Variants in OGDH observed in about 807,000 individuals in gnomAD.
The protein encoded by OGDH is 2-oxoglutarate dehydrogenase complex component E1.
A neutral mutation model predicts 116.6 loss-of-function variants in OGDH; 38 were observed. The observed-to-expected ratio is 0.33, with a 90% confidence interval of 0.25 to 0.43. OGDH has a LOEUF of 0.43. OGDH is among the 20% of genes least tolerant of loss of function. The pLI is 1.00. For missense variants in OGDH, 825 were observed against 1,357.2 expected (o/e 0.61, Z 6.16); for synonymous variants, 488 against 533.3 (o/e 0.92, Z 1.17).
intron 2 of OGDH, among the ~76,000 whole-genome samples, chr7:44,644,819 G>A (rs771528691): frequency 2.6e-5 from 4 of 152,232 alleles, no homozygotes; most frequent in Non-Finnish European, 5.9e-5. Flanking sequence ...CACAGGTTGT[G>A]CTGAGCCCTT....
intron 18 of OGDH, 125 bp downstream of exon 18, chr7:44,698,388 G>A: frequency 1.0e-6 from 1 of 977,670 alleles, no homozygotes; most frequent in Admixed American, 2.1e-5. Context: ...CTCCATCCTG[G>A]GGAGCTCACG....
chr7:44,640,150 C>A lies in OGDH; in HGVS notation c.223-5177C>A, dbSNP rs376488278. On this transcript the variant is annotated intron_variant, in intron 2 of 22. Transcript: ENST00000222673. ...TCCCAGGCATCAGTGGCTGGAAATT[C>A]CTTTCATTTTATTGTTGAGCCCAGA... Among the ~76,000 whole-genome samples, 5 of 152,262 alleles carry A rather than the reference C, an allele frequency of 3.3e-5. No individual in the cohort carries two copies. The East Asian group carries it at 9.6e-4, about 29-fold the overall frequency.
At chr7:44,627,812 G>A (rs998251859) in intron 2 of OGDH, among the ~76,000 whole-genome samples, 1 of 152,084 alleles carries the variant, frequency 6.6e-6, no homozygotes. Context: ...GAGTAGCCAG[G>A]ATTACAGATA....
intron 1 of OGDH, among the ~76,000 whole-genome samples, chr7:44,614,007 T>C (rs1055285256): frequency 2.6e-5 from 4 of 151,816 alleles, no homozygotes; most frequent in East Asian, 1.9e-4. Context: ...GGTTTCTCCA[T>C]GTTGGTCAGG....
At chr7:44,686,521 G>A (rs2116277924) in intron 10 of OGDH, among the ~76,000 whole-genome samples, 1 of 152,040 alleles carries the variant, frequency 6.6e-6, no homozygotes, top group South Asian at 2.1e-4. Context: ...TTGCTATCAG[G>A]GTAATGCTGG....
rs2116385205 is a variant in OGDH, at chr7:44,700,014, A to C, written c.2431-127A>C. 7 of 1,023,422 alleles carry C rather than the reference A, an allele frequency of 6.8e-6. No homozygotes were observed. In the South Asian group the frequency reaches 9.3e-5, roughly 14 times the overall value. The allele number at this position is 1,023,422 out of a possible 1,614,324, so 63.4% of individuals were successfully genotyped here. A position where few individuals can be genotyped will look rare whatever the true frequency, so the allele number is the denominator to read the frequency against. ...ACCAGGCCCCACCTCCAGCAGTGGG[A>C]GATTACAATTCAACATGAGATTTGG... On this transcript the variant is annotated intron_variant, in intron 18 of 22. Coordinates refer to ENST00000222673, the MANE Select transcript of OGDH (RefSeq NM_002541.4).
intron 10 of OGDH, among the ~76,000 whole-genome samples, chr7:44,691,286 G>A (rs1788352678): frequency 6.6e-6 from 1 of 152,146 alleles, no homozygotes; most frequent in Non-Finnish European, 1.5e-5. Context: ...TACTTTGGGA[G>A]GCCAAGGCAA....
Position 44,624,297 on chromosome 7 carries a change from T to TG in OGDH, c.-27-20_-27-19insG. On this transcript the variant is annotated intron_variant, in intron 1 of 22. Transcript: ENST00000222673. ...TTTAAAACCTTTCTTTCTTGTTTTT[T>TG]TTTTTTTTTTTTTGTACAGGCAGTT... The TG allele has an allele frequency of 1.7e-6, 2 of 1,202,202 alleles. No individual in the cohort carries two copies. The highest frequency in any genetic ancestry group is 2.2e-6 in the Non-Finnish European group (2 of 900,402). The allele number at this position is 1,202,202 out of a possible 1,614,324, so 74.5% of individuals were successfully genotyped here.
chr7:44,707,412 G>A lies in OGDH; in HGVS notation c.2796+24G>A. The A allele has an allele frequency of 1.9e-6, 3 of 1,613,574 alleles. No individual in the cohort carries two copies. The highest frequency in any genetic ancestry group is 1.7e-6 in the Non-Finnish European group (2 of 1,179,684). On this transcript the variant is annotated intron_variant, in intron 21 of 22. Transcript: ENST00000222673. The surrounding 1 kb of genome is among the most constrained non-coding windows in gnomAD (Gnocchi z 5.2). ...AGGTGAGGGCAGGTGGTGCCATCAGGGTGTCCCCCCAGCGGGGGTCAGGGC... is the reference window on the plus strand; with the variant it reads ...AGGTGAGGGCAGGTGGTGCCATCAGAGTGTCCCCCCAGCGGGGGTCAGGGC...
chr7:44,688,911 G>A (rs890178433), intron 10 of OGDH, among the ~76,000 whole-genome samples: 5 of 151,714 alleles, frequency 3.3e-5, no homozygotes, highest in Admixed American at 1.3e-4. Context: ...CACCATGCCC[G>A]GCTAATTTTT....
Position 44,696,607 on chromosome 7 carries a change from G to C in OGDH, c.1900+50G>C, listed in dbSNP as rs772869698. 1.4e-5 allele frequency: 23 copies of C among 1,610,154 alleles called. No homozygotes were observed. In the East Asian group the frequency reaches 2.0e-4, roughly 14 times the overall value. The stretch of plus-strand genomic sequence containing the variant: ...GGAAATGTTGGGGCCCAGGCCAGGG[G>C]CGACGACTGTCTAGGACTGTGACCT... On this transcript the variant is annotated intron_variant, in intron 14 of 22. Transcript: ENST00000222673.
At chr7:44,630,997 G>A (rs1312326986) in intron 2 of OGDH, among the ~76,000 whole-genome samples, 1 of 152,166 alleles carries the variant, frequency 6.6e-6, no homozygotes, top group Admixed American at 6.5e-5. Flanking sequence ...GTGGAGCTCA[G>A]GTGGTAATGC....
intron 2 of OGDH, among the ~76,000 whole-genome samples, chr7:44,643,675 C>A (rs545470738): frequency 4.7e-4 from 71 of 152,212 alleles, no homozygotes; most frequent in Non-Finnish European, 8.1e-4. Flanking sequence ...GATTCTGTAG[C>A]CATCTCTACC....
At chr7:44,695,976 A>T (rs776959269) in intron 12 of OGDH, 49 bp from the exon 13 acceptor site, 9 of 995,370 alleles carry the variant, frequency 9.0e-6, no homozygotes, top group South Asian at 9.0e-5. Context: ...GGGCGTGTGC[A>T]GTAGTCATGC....
chr7:44,700,016 A>G, intron 18 of OGDH, 125 bp from the exon 19 acceptor site: 1 of 1,055,548 alleles, frequency 9.5e-7, no homozygotes, highest in Non-Finnish European at 1.4e-6. Context: ...GCAGTGGGAG[A>G]TTACAATTCA....
intron 10 of OGDH, among the ~76,000 whole-genome samples, chr7:44,690,196 C>T (rs1211637743): frequency 6.6e-6 from 1 of 152,244 alleles, no homozygotes; most frequent in Non-Finnish European, 1.5e-5. Context: ...AAAGGAAGAA[C>T]TCCTAACAGT....
chr7:44,631,550 C>T (rs1785440606), intron 2 of OGDH, among the ~76,000 whole-genome samples: 1 of 152,248 alleles, frequency 6.6e-6, no homozygotes, highest in South Asian at 2.1e-4. Flanking sequence ...AGTGCGCCTT[C>T]TCCAACTTTA....
intron 4 of OGDH, among the ~76,000 whole-genome samples, chr7:44,662,095 A>G (rs1335397149): frequency 2.0e-5 from 3 of 152,138 alleles, no homozygotes; most frequent in Non-Finnish European, 4.4e-5. Flanking sequence ...CTCTACATAC[A>G]TTTAGAACTT....
rs373124686 is a variant in OGDH, at chr7:44,707,641, G to A, written c.2856G>A (p.Glu952=). The part of the protein sequence containing the change: ...LKEVQKYPNA[E]LAWCQEEHKN... ...AGGTGCAGAAGTACCCCAATGCTGA[G>A]CTGGCCTGGTGCCAGGAGGAGCACA... Residue 952 remains glutamate, a synonymous_variant, in exon 22 of 23, where the codon GAG becomes GAA. Transcript: ENST00000222673. The surrounding 1 kb of genome is among the most constrained non-coding windows in gnomAD (Gnocchi z 5.2). The A allele has an allele frequency of 1.9e-6, 3 of 1,614,084 alleles. No homozygotes were observed. Among genetic ancestry groups the A allele is most frequent in the Non-Finnish European group, 2.5e-6 (3 of 1,180,052 alleles).
Sources: allele counts gnomAD v4.1 joint callset (sites outside exome capture counted in the v4.1 genomes callset), GRCh38; gene constraint gnomAD v4.1.1; non-coding constraint Gnocchi (gnomAD v3.1); transcripts MANE v1.5; gene names NCBI Gene and HGNC (gene_info 2026-07-23, HGNC 2026-07-21).